CDH23: variants seen among roughly 807,000 people sequenced by gnomAD.
CDH23 encodes the protein cadherin related 23.
In CDH23, 189 loss-of-function variants were observed where a neutral mutation model predicts 317.1. The observed-to-expected ratio is 0.60, with a 90% CI of 0.53 to 0.67. The LOEUF (loss-of-function observed/expected upper bound fraction) is 0.67. CDH23 is among the 30% of genes least tolerant of loss of function. The probability of loss-of-function intolerance (pLI) is 0.00; values close to 1 mark genes in which losing one functional copy is unlikely to be tolerated. For synonymous variants in CDH23, 1,839 were observed against 1,876.8 expected, an observed-to-expected ratio of 0.98 and a Z score of 0.52; for missense variants, 4,401 against 4,592.4, an observed-to-expected ratio of 0.96 and a Z score of 1.20.
At chr10:71,812,293 T>C (rs767159461) in intron 66 of CDH23, 187 bp from the exon 67 acceptor site, 7 of 1,598,716 alleles carry the variant, frequency 4.4e-6, no homozygotes, top group Non-Finnish European at 5.9e-6. Context: ...CAGACTGACA[T>C]GCGGTCCTGG....
chr10:71,671,212 G>A (rs980419431), intron 14 of CDH23, among the ~76,000 whole-genome samples: 3 of 152,034 alleles, frequency 2.0e-5, no homozygotes, highest in East Asian at 1.9e-4. Flanking sequence ...CATCCGCCTC[G>A]GCCTCCCAAA....
chr10:71,604,506 CAGCCCAACCCCT>C (rs2132484824), intron 9 of CDH23, among the ~76,000 whole-genome samples: 1 of 152,300 alleles, frequency 6.6e-6, no homozygotes, highest in East Asian at 1.9e-4. Flanking sequence ...TTCCTGCCTC[CAGCCCAACCCCT>C]GCAGGAGCTC....
chr10:71,621,143 G>A (rs1861448351), intron 11 of CDH23, among the ~76,000 whole-genome samples: 1 of 152,260 alleles, frequency 6.6e-6, no homozygotes, highest in Non-Finnish European at 1.5e-5. Context: ...TCAGGCAACT[G>A]TTAGAGAAAA....
intron 6 of CDH23, among the ~76,000 whole-genome samples, chr10:71,550,977 A>C (rs1195627100): frequency 6.6e-6 from 1 of 152,260 alleles, no homozygotes; most frequent in Admixed American, 6.5e-5. Flanking sequence ...GCTTCCTCGC[A>C]GCAGAAAACA....
chr10:71,485,979 TTAAAAGAAGC>T (rs1463850627), intron 3 of CDH23, among the ~76,000 whole-genome samples: 3 of 119,398 alleles, frequency 2.5e-5, no homozygotes, highest in African/African-American at 3.9e-5. Context: ...AAATTTTATA[TTAAAAGAAGC>T]ATCAATATAT....
intron 26 of CDH23, among the ~76,000 whole-genome samples, chr10:71,708,828 G>A (rs1295431326): frequency 6.6e-6 from 1 of 152,246 alleles, no homozygotes; most frequent in Admixed American, 6.5e-5. Context: ...TCCTCTGTGA[G>A]GTGGAGGCTA....
At chr10:71,765,689 GA>G (rs1473393441) in intron 38 of CDH23, among the ~76,000 whole-genome samples, 2 of 152,136 alleles carry the variant, frequency 1.3e-5, no homozygotes, top group African/African-American at 4.8e-5. Flanking sequence ...GGGAGTACGG[GA>G]GAGGGGGCAT....
intron 52 of CDH23, among the ~76,000 whole-genome samples, chr10:71,800,160 G>C (rs1211592203): frequency 6.6e-6 from 1 of 152,236 alleles, no homozygotes; most frequent in Non-Finnish European, 1.5e-5. Context: ...TTGGTTCAAA[G>C]CTGTTATTTT....
intron 3 of CDH23, among the ~76,000 whole-genome samples, chr10:71,485,989 C>T (rs989579388): frequency 1.3e-5 from 1 of 75,844 alleles, no homozygotes. Flanking sequence ...TTAAAAGAAG[C>T]ATCAATATAT....
chr10:71,515,527 A>T (rs969084667), intron 6 of CDH23, among the ~76,000 whole-genome samples: 1 of 147,162 alleles, frequency 6.8e-6, no homozygotes, highest in African/African-American at 2.5e-5. Flanking sequence ...GATCTGCCCA[A>T]TTTTTTTTTT....
At chr10:71,453,941 A>T (rs1850569191) in intron 3 of CDH23, among the ~76,000 whole-genome samples, 1 of 152,328 alleles carries the variant, frequency 6.6e-6, no homozygotes, top group East Asian at 1.9e-4. Context: ...TACGAAAAAA[A>T]ATATAGGGGG....
chr10:71,658,135 C>G (rs1863494516), intron 14 of CDH23, among the ~76,000 whole-genome samples: 1 of 152,190 alleles, frequency 6.6e-6, no homozygotes, highest in Non-Finnish European at 1.5e-5. Context: ...ATTGACGGGT[C>G]CGGAGTTCCT....
chr10:71,531,488 G>C (rs761115265), intron 6 of CDH23, among the ~76,000 whole-genome samples: 1 of 152,190 alleles, frequency 6.6e-6, no homozygotes, highest in Non-Finnish European at 1.5e-5. Flanking sequence ...GTTGAAATGT[G>C]TGTGAGTTAG....
At chr10:71,589,128 A>C (rs186175117) in intron 9 of CDH23, among the ~76,000 whole-genome samples, 79 of 149,442 alleles carry the variant, frequency 5.3e-4, no homozygotes, top group South Asian at 1.7e-3. Context: ...GTTTAAAGTA[A>C]TTTTTTTTTT....
intron 9 of CDH23, among the ~76,000 whole-genome samples, chr10:71,599,974 A>G (rs1234576227): frequency 8.7e-6 from 1 of 114,498 alleles, no homozygotes; most frequent in African/African-American, 3.4e-5. Context: ...TCCCATTTAC[A>G]CCTTCAATGT....
intron 9 of CDH23, among the ~76,000 whole-genome samples, chr10:71,602,409 A>AG (rs1860281586): frequency 6.6e-6 from 1 of 152,162 alleles, no homozygotes; most frequent in Non-Finnish European, 1.5e-5. Flanking sequence ...TGAGGCTCAA[A>AG]GGCAAAGTCA....
At position 71,709,121 on chromosome 10, in the gene CDH23, A is replaced by G. The variant is rs914114889; in HGVS notation, c.3130A>G (p.Ser1044Gly). 1.9e-6 allele frequency: 3 copies of G among 1,613,778 alleles called. No individual in the cohort carries two copies. The highest frequency in any genetic ancestry group is 2.7e-5 in the African/African-American group (2 of 74,920). The change falls in exon 27 of 70, where the codon AGC (serine) becomes GGC (glycine). Residue 1044 changes from serine (S) to glycine (G), a missense_variant. Transcript: ENST00000224721. ...ITGGNVDGKF[S>G]VGYRDAVVRT... ...AGGTGGCAACGTGGATGGGAAGTTC[A>G]GCGTGGGTTACCGCGATGCCGTTGT...
At position 71,785,035 on chromosome 10, in the gene CDH23, A is replaced by C. The variant is rs747488431; in HGVS notation, c.5647A>C (p.Asn1883His). The change falls in exon 43 of 70, where the codon AAT becomes CAT. Residue 1883 changes from asparagine (N) to histidine (H), a missense_variant. Asn to His is a moderately conservative substitution (Grantham distance 68). Around this residue, in one of 3 missense-constraint regions of CDH23, gnomAD observed 3,068 missense variants for 3,203.3 expected, o/e 0.96. Transcript: ENST00000224721. ...VLASDADSGC[N>H]ARLTFNITAG... is the part of the protein sequence containing the mutation. ...GGCCAGTGACGCTGACAGTGGCTGC[A>C]ATGCACGCCTCACCTTCAACATCAC... The C allele has an allele frequency of 3.2e-4, 512 of 1,613,962 alleles. 1 individual carries two copies. Among genetic ancestry groups the C allele is most frequent in the Non-Finnish European group, 4.2e-4 (500 of 1,179,914 alleles).
chr10:71,693,609 CTG>C lies in CDH23; in HGVS notation c.2177-536_2177-535del, dbSNP rs567941294. On this transcript the variant is annotated intron_variant, in intron 20 of 69. Coordinates refer to ENST00000224721, the MANE Select transcript of CDH23 (RefSeq NM_022124.6). ...ATTTCCTGTCATTGTATTTCTGTGACTGTATAAATAAACAGTGCCTGGCACTG... is the reference window on the plus strand; with the variant it reads ...ATTTCCTGTCATTGTATTTCTGTGACTATAAATAAACAGTGCCTGGCACTG... 4.7e-4 allele frequency among the ~76,000 whole-genome samples: 72 copies of C among 152,268 alleles called. 1 individual carries two copies. The East Asian group carries it at 0.011, about 24-fold the overall frequency.
Sources: allele counts gnomAD v4.1 joint callset (sites outside exome capture counted in the v4.1 genomes callset), GRCh38; gene constraint gnomAD v4.1.1; regional missense constraint gnomAD v4.1.1; transcripts MANE v1.5; gene names NCBI Gene and HGNC (gene_info 2026-07-23, HGNC 2026-07-21).